Variants in KCNIP1 observed in about 807,000 individuals in gnomAD.
The protein encoded by KCNIP1 is A-type potassium channel modulatory protein KCNIP1.
KCNIP1 carries 18 observed loss-of-function variants against 33.0 expected under a neutral mutation model. That is an observed-to-expected ratio of 0.55 (90% CI 0.38 to 0.81). The LOEUF (loss-of-function observed/expected upper bound fraction) is 0.81, where lower values mean the gene tolerates loss of function less well. KCNIP1 is among the 30% of genes least tolerant of loss of function. KCNIP1 has a pLI of 0.00. For missense variants in KCNIP1, 238 were observed against 271.6 expected, an observed-to-expected ratio of 0.88 and a Z score of 0.87; for synonymous variants, 93 against 98.3, an observed-to-expected ratio of 0.95 and a Z score of 0.32.
At chr5:170,516,166 A>G (rs1157717523) in intron 1 of KCNIP1, among the ~76,000 whole-genome samples, 1 of 152,144 alleles carries the variant, frequency 6.6e-6, no homozygotes, top group African/African-American at 2.4e-5. Flanking sequence ...GGATGAGGAA[A>G]GCACCAAGCA....
chr5:170,635,355 C>T (rs1162357637), intron 1 of KCNIP1, among the ~76,000 whole-genome samples: 2 of 152,156 alleles, frequency 1.3e-5, no homozygotes, highest in Non-Finnish European at 2.9e-5. Context: ...AGTAGATGTT[C>T]TAAGAGTCTC....
At chr5:170,426,989 G>A (rs1755629678) in intron 1 of KCNIP1, among the ~76,000 whole-genome samples, 1 of 152,230 alleles carries the variant, frequency 6.6e-6, no homozygotes, top group Admixed American at 6.5e-5. Flanking sequence ...CAGGGAGAGG[G>A]AAGAGGCCTC....
At chr5:170,487,161 A>G (rs1369699425) in intron 1 of KCNIP1, among the ~76,000 whole-genome samples, 1 of 152,304 alleles carries the variant, frequency 6.6e-6, no homozygotes, top group Non-Finnish European at 1.5e-5. Context: ...CAAAATTGGC[A>G]GGGCAAGAAG....
chr5:170,381,205 A>T (rs188769), intron 1 of KCNIP1, among the ~76,000 whole-genome samples: 2 of 151,872 alleles, frequency 1.3e-5, no homozygotes, highest in Admixed American at 1.3e-4. Context: ...TCATGGCCAA[A>T]CCCAGAAGCC....
intron 1 of KCNIP1, among the ~76,000 whole-genome samples, chr5:170,442,088 C>T (rs1456344712): frequency 3.3e-5 from 5 of 152,122 alleles, no homozygotes; most frequent in Admixed American, 1.3e-4. Flanking sequence ...AGCTTTTGTC[C>T]GTCCCAAACC....
intron 1 of KCNIP1, among the ~76,000 whole-genome samples, chr5:170,476,654 G>C (rs1015954018): frequency 2.0e-5 from 3 of 152,164 alleles, no homozygotes; most frequent in Admixed American, 6.5e-5. Context: ...TGAAATGGCT[G>C]CGGGCCTGAA....
intron 1 of KCNIP1, among the ~76,000 whole-genome samples, chr5:170,361,532 C>A (rs1346607108): frequency 6.6e-6 from 1 of 152,124 alleles, no homozygotes. Flanking sequence ...TGGAGCCAGA[C>A]CTGGGTTTGA....
At chr5:170,390,517 A>T (rs2660658) in intron 1 of KCNIP1, among the ~76,000 whole-genome samples, 15,033 of 73,342 alleles carry the variant, frequency 0.2, 2,032 homozygotes, top group Admixed American at 0.3. Context: ...AAAAAAAACA[A>T]ATATATATAT....
chr5:170,412,786 A>C (rs1434663368), intron 1 of KCNIP1, among the ~76,000 whole-genome samples: 1 of 152,096 alleles, frequency 6.6e-6, no homozygotes, highest in African/African-American at 2.4e-5. Context: ...TTTCCCTGCC[A>C]GGTCACATGG....
Position 170,504,546 on chromosome 5 carries a change from C to T in KCNIP1, c.-27C>T, listed in dbSNP as rs1469103324. The stretch of plus-strand genomic sequence containing the variant: ...TAGGGGAGGGGCCGGGCCCGGGGTC[C>T]CAACTCGCACTCAAGTCTTCGCTGC... On this transcript the variant is annotated 5_prime_UTR_variant, in exon 1 of 8. Coordinates refer to ENST00000328939, the MANE Select transcript of KCNIP1 (RefSeq NM_014592.4). This position sits in a 1 kb window ranked among gnomAD's most constrained non-coding sequence, Gnocchi z 6.0. The T allele has an allele frequency of 6.2e-7, 1 of 1,612,472 alleles. No individual in the cohort carries two copies. The highest frequency in any genetic ancestry group is 1.1e-5 in the South Asian group (1 of 91,064).
At chr5:170,549,245 A>G (rs577822551) in intron 1 of KCNIP1, among the ~76,000 whole-genome samples, 1 of 152,350 alleles carries the variant, frequency 6.6e-6, no homozygotes, top group Non-Finnish European at 1.5e-5. Context: ...TTCTTTTTAA[A>G]GCAAAGAGAA....
At chr5:170,468,182 T>C (rs1322036552) in intron 1 of KCNIP1, among the ~76,000 whole-genome samples, 1 of 152,156 alleles carries the variant, frequency 6.6e-6, no homozygotes, top group Non-Finnish European at 1.5e-5. Flanking sequence ...ATTTAAGCCT[T>C]GCCGTCTTTA....
intron 1 of KCNIP1, among the ~76,000 whole-genome samples, chr5:170,470,888 G>A (rs1043081077): frequency 1.3e-4 from 20 of 152,282 alleles, no homozygotes; most frequent in Admixed American, 2.0e-4. Flanking sequence ...GTTGGAGTTC[G>A]GTCCTCAGCT....
At chr5:170,582,628 C>G (rs1020721910) in intron 1 of KCNIP1, among the ~76,000 whole-genome samples, 1 of 152,100 alleles carries the variant, frequency 6.6e-6, no homozygotes, top group Admixed American at 6.5e-5. Flanking sequence ...CTCTTATTCC[C>G]GAAGAGATCC....
intron 1 of KCNIP1, among the ~76,000 whole-genome samples, chr5:170,551,884 GA>G (rs2113419759): frequency 6.6e-6 from 1 of 151,780 alleles, no homozygotes; most frequent in Admixed American, 6.6e-5. Flanking sequence ...GTGTGTATAT[GA>G]ATGTGTACGA....
chr5:170,728,044 T>A (rs1424767484), intron 5 of KCNIP1, among the ~76,000 whole-genome samples: 1 of 152,232 alleles, frequency 6.6e-6, no homozygotes, highest in Admixed American at 6.5e-5. Context: ...TTAAATAATT[T>A]ATCACATTAA....
At chr5:170,429,829 C>A (rs896509603) in intron 1 of KCNIP1, among the ~76,000 whole-genome samples, 1 of 152,200 alleles carries the variant, frequency 6.6e-6, no homozygotes, top group African/African-American at 2.4e-5. Context: ...TATACATACA[C>A]CCCCTTTGTA....
At chr5:170,685,047 A>T (rs1762495493) in intron 1 of KCNIP1, among the ~76,000 whole-genome samples, 1 of 152,100 alleles carries the variant, frequency 6.6e-6, no homozygotes, top group Admixed American at 6.6e-5. Flanking sequence ...CTCCCAGAAC[A>T]TACCTCCTTC....
chr5:170,729,340 A>T (rs1764116082), intron 5 of KCNIP1, among the ~76,000 whole-genome samples: 1 of 152,110 alleles, frequency 6.6e-6, no homozygotes. Context: ...AAAAATCTGC[A>T]ATTTATGATG....
Sources: allele counts gnomAD v4.1 joint callset (sites outside exome capture counted in the v4.1 genomes callset), GRCh38; gene constraint gnomAD v4.1.1; non-coding constraint Gnocchi (gnomAD v3.1); transcripts MANE v1.5; gene names NCBI Gene and HGNC (gene_info 2026-07-23, HGNC 2026-07-21).